CMIP: variants seen among roughly 807,000 people sequenced by gnomAD.
The protein encoded by CMIP is c-Maf inducing protein, also known as C-Maf-inducing protein.
CMIP carries 13 observed loss-of-function variants against 97.3 expected under a neutral mutation model. The ratio of observed to expected loss-of-function variants is 0.13; its 90% CI spans 0.09 to 0.21. The LOEUF is 0.21. Among genes scored for constraint, CMIP ranks in the 10% least tolerant of loss-of-function variants. The pLI is 1.00. For synonymous variants in CMIP, 538 were observed against 436.3 expected, an observed-to-expected ratio of 1.23 and a Z score of -2.91; for missense variants, 847 against 1,024.9, an observed-to-expected ratio of 0.83 and a Z score of 2.37.
intron 1 of CMIP, chr16:81,464,697 C>T (rs1270145219): frequency 6.6e-6 from 1 of 152,236 alleles, no homozygotes; most frequent in East Asian, 1.9e-4. Context: ...TCATCCCCAG[C>T]ACAAACTCTG....
rs139790031 is a variant in CMIP at position 81,685,867 on chromosome 16, T to A, written c.1389-5908T>A. 3.3e-5 allele frequency among the ~76,000 whole-genome samples: 5 copies of A among 152,208 alleles called. No homozygotes were observed. The East Asian group carries it at 9.7e-4, about 29-fold the overall frequency. ...GCGTGAGCCACCATGTGCCCACCAG[T>A]GTCCTTGTGATATAGGGAGATCGTC... On this transcript the variant is annotated intron_variant, in intron 10 of 20. Coordinates refer to ENST00000537098, the MANE Select transcript of CMIP (RefSeq NM_198390.3).
chr16:81,596,219 C>A (rs1053991026), intron 1 of CMIP, among the ~76,000 whole-genome samples: 4 of 151,952 alleles, frequency 2.6e-5, no homozygotes, highest in Non-Finnish European at 5.9e-5. Flanking sequence ...TTTAAAAAAT[C>A]TTTCGGCCAG....
At chr16:81,484,437 G>A (rs1485394083) in intron 1 of CMIP, among the ~76,000 whole-genome samples, 2 of 152,290 alleles carry the variant, frequency 1.3e-5, no homozygotes, top group South Asian at 2.1e-4. Flanking sequence ...CGGGTTGGGC[G>A]CCGAACGCAG....
Position 81,701,652 on chromosome 16 carries a change from C to T in CMIP, c.1756-8C>T. On this transcript the variant is annotated splice_polypyrimidine_tract_variant and splice_region_variant and intron_variant, in intron 15 of 20. Coordinates refer to ENST00000537098, the MANE Select transcript of CMIP (RefSeq NM_198390.3). ...GGGTCCGTAATGCACCCCTGCGGTTCTGGACAGATCCTGTGCTTGATGCTG... is the reference window on the plus strand; with the variant it reads ...GGGTCCGTAATGCACCCCTGCGGTTTTGGACAGATCCTGTGCTTGATGCTG... The T allele has an allele frequency of 6.2e-7, 1 of 1,613,832 alleles. No homozygotes were observed.
intron 1 of CMIP, among the ~76,000 whole-genome samples, chr16:81,517,359 G>A (rs2089937067): frequency 6.6e-6 from 1 of 152,264 alleles, no homozygotes; most frequent in African/African-American, 2.4e-5. Context: ...GGAATATGAT[G>A]CAGCAATGAA....
At chr16:81,700,401 C>A (rs146055927) in intron 15 of CMIP, 2 of 155,206 alleles carry the variant, frequency 1.3e-5, no homozygotes, top group Non-Finnish European at 2.8e-5. Context: ...CCTGAGACTC[C>A]CAGAGCAACT....
chr16:81,626,510 CATGTGT>C (rs1430377393), intron 3 of CMIP, among the ~76,000 whole-genome samples: 21 of 125,542 alleles, frequency 1.7e-4, no homozygotes, highest in African/African-American at 6.6e-4. Flanking sequence ...GGTGACTGAG[CATGTGT>C]GTGTGTGGTG....
At chr16:81,662,222 C>A (rs1387339928) in intron 6 of CMIP, among the ~76,000 whole-genome samples, 1 of 152,222 alleles carries the variant, frequency 6.6e-6, no homozygotes, top group East Asian at 1.9e-4. Context: ...ATGCTTGCCT[C>A]TCAAGCTTAG....
At position 81,475,911 on chromosome 16, in the gene CMIP, C is replaced by T. The variant is rs570593069; in HGVS notation, c.300+30370C>T. Reference sequence around the variant, plus strand: ...CTGAGGCAGGAGAATGGCATGAACCCGGGAGGCAGAGCTTGCAGTGAGCTG... The same window carrying T: ...CTGAGGCAGGAGAATGGCATGAACCTGGGAGGCAGAGCTTGCAGTGAGCTG... On this transcript the variant is annotated intron_variant, in intron 1 of 20. Transcript: ENST00000537098. The T allele has an allele frequency of 5.4e-5, 21 of 388,716 alleles. No individual in the cohort carries two copies. In the East Asian group the frequency reaches 6.3e-4, roughly 12 times the overall value. The allele number at this position is 388,716 out of a possible 1,614,324, so 24.1% of individuals were successfully genotyped here.
intron 1 of CMIP, among the ~76,000 whole-genome samples, chr16:81,535,421 G>C (rs1271335088): frequency 6.7e-6 from 1 of 149,580 alleles, no homozygotes; most frequent in Non-Finnish European, 1.5e-5. Flanking sequence ...ATGCTTCCCT[G>C]TGCTTCTTTC....
chr16:81,526,766 A>G (rs2090141573), intron 1 of CMIP, among the ~76,000 whole-genome samples: 1 of 152,248 alleles, frequency 6.6e-6, no homozygotes, highest in Admixed American at 6.5e-5. Context: ...GAGGGGTCAC[A>G]GTGAAGGCCC....
At chr16:81,554,062 CT>C (rs1221273836) in intron 1 of CMIP, among the ~76,000 whole-genome samples, 1 of 152,338 alleles carries the variant, frequency 6.6e-6, no homozygotes, top group East Asian at 1.9e-4. Flanking sequence ...GCCCTCTGTA[CT>C]TTCCATTTAA....
chr16:81,521,978 G>A (rs373606802), intron 1 of CMIP, among the ~76,000 whole-genome samples: 4 of 152,174 alleles, frequency 2.6e-5, no homozygotes, highest in African/African-American at 4.8e-5. Context: ...CCAGGAAGGC[G>A]AGAAGAAAAG....
chr16:81,600,176 G>A (rs1457337592), intron 1 of CMIP, among the ~76,000 whole-genome samples: 1 of 151,066 alleles, frequency 6.6e-6, no homozygotes, highest in African/African-American at 2.4e-5. Context: ...CTACTCAGGA[G>A]GCTGAGGCAG....
intron 1 of CMIP, among the ~76,000 whole-genome samples, chr16:81,581,103 A>G (rs926700848): frequency 6.6e-6 from 1 of 152,162 alleles, no homozygotes; most frequent in Non-Finnish European, 1.5e-5. Flanking sequence ...ATGTGTCAGC[A>G]CTGCCTTCCT....
intron 1 of CMIP, among the ~76,000 whole-genome samples, chr16:81,473,097 G>GCCTGCCTGCGGCC (rs1907658685): frequency 1.3e-5 from 2 of 152,332 alleles, no homozygotes; most frequent in South Asian, 4.1e-4. Context: ...CACACCACCA[G>GCCTGCCTGCGGCC]CCTGCCTGCG....
intron 10 of CMIP, among the ~76,000 whole-genome samples, chr16:81,684,475 C>T (rs1022962652): frequency 1.3e-5 from 2 of 152,208 alleles, no homozygotes; most frequent in Admixed American, 6.5e-5. Context: ...TGGCAGGAAG[C>T]GTCCTGTCCA....
intron 1 of CMIP, among the ~76,000 whole-genome samples, chr16:81,468,253 T>C (rs935037207): frequency 6.6e-6 from 1 of 152,172 alleles, no homozygotes; most frequent in African/African-American, 2.4e-5. Flanking sequence ...CCCAAGCCTG[T>C]CTTCAAGATA....
chr16:81,645,585 C>A, intron 3 of CMIP: 4 of 1,536,020 alleles, frequency 2.6e-6, no homozygotes, highest in Non-Finnish European at 3.5e-6. Context: ...AGAGCGATGG[C>A]AAGTGTTGCC....
Sources: allele counts gnomAD v4.1 joint callset (sites outside exome capture counted in the v4.1 genomes callset), GRCh38; gene constraint gnomAD v4.1.1; transcripts MANE v1.5; gene names NCBI Gene and HGNC (gene_info 2026-07-23, HGNC 2026-07-21).